GPC4: variants seen among roughly 807,000 people sequenced by gnomAD.
The protein encoded by GPC4 is glypican 4.
In GPC4, 10 loss-of-function variants were observed where a neutral mutation model predicts 35.0. That is an observed-to-expected ratio of 0.29 (90% CI 0.18 to 0.48). The LOEUF is 0.48. Ranked by LOEUF, GPC4 falls within the 20% of genes least tolerant of loss-of-function variation. The pLI is 0.99. For missense variants in GPC4, 322 were observed against 451.3 expected (o/e 0.71, Z 2.60); for synonymous variants, 167 against 170.2 (o/e 0.98, Z 0.15).
chrX:133,365,781 G>A (rs1162771997), intron 1 of GPC4, among the ~76,000 whole-genome samples: 1 of 112,208 alleles, frequency 8.9e-6, no homozygotes, highest in Non-Finnish European at 1.9e-5. Context: ...TTTAGTTTTT[G>A]GTAGAAGAGG....
At chrX:133,407,906 T>C (rs1308304989) in intron 1 of GPC4, among the ~76,000 whole-genome samples, 3 of 112,655 alleles carry the variant, frequency 2.7e-5, no homozygotes, top group Admixed American at 9.4e-5. Flanking sequence ...CAATAAGATG[T>C]TTTTACATAG....
rs990674110 is a variant in GPC4 at position 133,310,109 on chromosome X, G to A, written c.877+1149C>T. Among the ~76,000 whole-genome samples, 12 of 111,042 alleles carry A rather than the reference G, an allele frequency of 1.1e-4. No homozygotes were observed. The East Asian group carries it at 1.4e-3, about 13-fold the overall frequency. On this transcript the variant is annotated intron_variant, in intron 4 of 8. Coordinates refer to ENST00000370828, the MANE Select transcript of GPC4 (RefSeq NM_001448.3). Reference sequence around the variant, plus strand: ...CCAATTTATTGATGCACTTTCAAACGGAGTTAATATGGTAATTAGCTCTCA... The same window carrying A: ...CCAATTTATTGATGCACTTTCAAACAGAGTTAATATGGTAATTAGCTCTCA...
intron 2 of GPC4, among the ~76,000 whole-genome samples, chrX:133,334,597 T>C (rs2068434278): frequency 9.0e-6 from 1 of 111,148 alleles, no homozygotes; most frequent in African/African-American, 3.3e-5. Flanking sequence ...ACAGAATTGG[T>C]AGGATTGAAA....
intron 1 of GPC4, among the ~76,000 whole-genome samples, chrX:133,377,995 C>T (rs1428185266): frequency 1.9e-5 from 2 of 104,790 alleles, no homozygotes; most frequent in African/African-American, 3.5e-5. Flanking sequence ...CCCGGGTTCA[C>T]GCGACCCTCC....
chrX:133,409,512 A>T (rs1389858462), intron 1 of GPC4, among the ~76,000 whole-genome samples: 2 of 110,565 alleles, frequency 1.8e-5, no homozygotes, highest in East Asian at 5.7e-4. Context: ...TATTGCACTG[A>T]CCTACCACAC....
At chrX:133,323,569 T>C (rs1263078329) in intron 3 of GPC4, among the ~76,000 whole-genome samples, 1 of 112,585 alleles carries the variant, frequency 8.9e-6, no homozygotes, top group Non-Finnish European at 1.9e-5. Context: ...CAGCTCCTGA[T>C]CACATACTAC....
At position 133,303,156 on chromosome X, in the gene GPC4, A is replaced by T; in HGVS notation, c.1468+10T>A. 4.1e-6 allele frequency: 5 copies of T among 1,210,206 alleles called. No homozygotes were observed. The highest frequency in any genetic ancestry group is 5.6e-6 in the Non-Finnish European group (5 of 894,275). Reference sequence around the variant, plus strand: ...AGAGCAATTCGTACTTTCAAACCACAAATGCTTACTGATATCAAAGAAGTC... The same window carrying T: ...AGAGCAATTCGTACTTTCAAACCACTAATGCTTACTGATATCAAAGAAGTC... On this transcript the variant is annotated intron_variant, in intron 8 of 8. Transcript: ENST00000370828.
intron 1 of GPC4, among the ~76,000 whole-genome samples, chrX:133,387,693 A>G (rs1205753314): frequency 6.2e-5 from 7 of 112,084 alleles, no homozygotes; most frequent in Non-Finnish European, 3.8e-5. Context: ...TTTGTAATAG[A>G]GGCAGTGTTT....
rs749925225 is a variant in GPC4, at chrX:133,300,396, A to G, written c.*2471T>C. 1.8e-5 allele frequency: 2 copies of G among 112,396 alleles called. No homozygotes were observed. Among genetic ancestry groups the G allele is most frequent in the Admixed American group, 1.9e-4 (2 of 10,535 alleles). 9.3% of individuals were successfully genotyped at this position (112,396 alleles called of 1,213,427 possible). A position where few individuals can be genotyped will look rare whatever the true frequency, so the allele number is the denominator to read the frequency against. ...CCCTTCACATGCTGTTAACTTTGGAAAAGTCAGGTCTTCTCCTAACAAGGC... is the reference window on the plus strand; with the variant it reads ...CCCTTCACATGCTGTTAACTTTGGAGAAGTCAGGTCTTCTCCTAACAAGGC... On this transcript the variant is annotated 3_prime_UTR_variant, in exon 9 of 9. Transcript: ENST00000370828.
intron 1 of GPC4, among the ~76,000 whole-genome samples, chrX:133,358,275 G>A (rs973585741): frequency 1.5e-4 from 17 of 112,145 alleles, no homozygotes; most frequent in South Asian, 7.4e-4. Context: ...ATATTTTGGG[G>A]AATCAACTTA....
chrX:133,409,616 G>A (rs1185414330), intron 1 of GPC4, among the ~76,000 whole-genome samples: 1 of 111,575 alleles, frequency 9.0e-6, no homozygotes. Flanking sequence ...TGCACACACA[G>A]TTAACTATAA....
intron 1 of GPC4, among the ~76,000 whole-genome samples, chrX:133,358,905 T>C (rs1270181756): frequency 5.5e-5 from 6 of 109,742 alleles, no homozygotes; most frequent in African/African-American, 1.7e-4. Flanking sequence ...CAGACATGAA[T>C]GAAAAAAAAA....
rs776480899 is a variant in GPC4, at chrX:133,393,686, T to C, written c.160+21120A>G. Among the ~76,000 whole-genome samples the C allele has an allele frequency of 5.4e-5, 6 of 110,521 alleles. No individual in the cohort carries two copies. In the East Asian group the frequency reaches 1.7e-3, roughly 31 times the overall value. ...AAAGAAAGAAAAAAAAAGAAATGTA[T>C]CATAAAATTGAACTTAAGGAAGTTA... On this transcript the variant is annotated intron_variant, in intron 1 of 8. Coordinates refer to ENST00000370828, the MANE Select transcript of GPC4 (RefSeq NM_001448.3).
chrX:133,348,063 T>C (rs1331706240), intron 1 of GPC4, among the ~76,000 whole-genome samples: 1 of 112,351 alleles, frequency 8.9e-6, no homozygotes, highest in Non-Finnish European at 1.9e-5. Context: ...GTAAGTGTAG[T>C]TGGAAGAGTT....
At chrX:133,408,828 C>A (rs1372316535) in intron 1 of GPC4, among the ~76,000 whole-genome samples, 3 of 111,788 alleles carry the variant, frequency 2.7e-5, no homozygotes, top group Non-Finnish European at 3.8e-5. Context: ...CCAAGCTATA[C>A]CAACATATGC....
intron 1 of GPC4, among the ~76,000 whole-genome samples, chrX:133,345,321 T>C (rs373370943): frequency 8.9e-6 from 1 of 112,112 alleles, no homozygotes; most frequent in Admixed American, 9.4e-5. Flanking sequence ...GACAGTACAA[T>C]TGCAAAACAA....
chrX:133,346,109 C>T (rs760213125), intron 1 of GPC4, among the ~76,000 whole-genome samples: 3 of 111,263 alleles, frequency 2.7e-5, no homozygotes, highest in Non-Finnish European at 5.7e-5. Context: ...CAAAGTTACA[C>T]TCCTATGCAA....
chrX:133,344,189 TG>T, intron 1 of GPC4, among the ~76,000 whole-genome samples: 1 of 87,332 alleles, frequency 1.1e-5, no homozygotes, highest in South Asian at 6.0e-4. Flanking sequence ...TCTTTCTTTC[TG>T]GTTTTTTTTT....
rs189341406 is a variant in GPC4, at chrX:133,383,092, G to A, written c.160+31714C>T. ...TGAAAACATATTCACACAAAACCTT[G>A]CACACAGATGTTTATAGCAGCTTAT... On this transcript the variant is annotated intron_variant, in intron 1 of 8. Coordinates refer to ENST00000370828, the MANE Select transcript of GPC4 (RefSeq NM_001448.3). Among the ~76,000 whole-genome samples, 5 of 111,768 alleles carry A rather than the reference G, an allele frequency of 4.5e-5. No individual in the cohort carries two copies. The Admixed American group carries it at 4.8e-4, about 11-fold the overall frequency.
Sources: gnomAD v4.1 joint callset for allele counts (sites outside exome capture counted in the v4.1 genomes callset) on GRCh38, gnomAD v4.1.1 for gene constraint, MANE v1.5 for transcripts, NCBI Gene and HGNC (gene_info 2026-07-23, HGNC 2026-07-21) for gene names.